PCDH11Y: variants seen among roughly 807,000 people sequenced by gnomAD.
PCDH11Y encodes the protein protocadherin-11 Y-linked.
For synonymous variants in PCDH11Y, 9 were observed against 83.6 expected (o/e 0.11, Z 4.87); for missense variants, 12 against 224.8 (o/e 0.05, Z 6.05).
At chrY:5,385,669 T>C in intron 2 of PCDH11Y, among the ~76,000 whole-genome samples, 3 of 33,502 alleles carry the variant, frequency 9.0e-5, no homozygotes, top group Non-Finnish European at 2.2e-4. Context: ...CATGACAACA[T>C]GTATTATTTT....
chrY:5,111,287 G>A, intron 2 of PCDH11Y, among the ~76,000 whole-genome samples: 1 of 32,962 alleles, frequency 3.0e-5, no homozygotes, highest in Admixed American at 2.8e-4. Flanking sequence ...TAGTAGAAAC[G>A]GGGTTTCGCC....
chrY:5,384,898 C>G (rs1602916498), intron 2 of PCDH11Y, among the ~76,000 whole-genome samples: 1 of 18,808 alleles, frequency 5.3e-5, no homozygotes, highest in Non-Finnish European at 1.2e-4. Flanking sequence ...CTCCTGTTTT[C>G]AAAAAAAAAA....
At chrY:5,178,045 G>A in intron 2 of PCDH11Y, among the ~76,000 whole-genome samples, 4 of 32,762 alleles carry the variant, frequency 1.2e-4, no homozygotes, top group Admixed American at 2.8e-4. Flanking sequence ...AATCTAAGCA[G>A]AGGGACCTTG....
chrY:5,057,918 G>T (rs2052667380), intron 1 of PCDH11Y, among the ~76,000 whole-genome samples: 1 of 31,616 alleles, frequency 3.2e-5, no homozygotes, highest in Non-Finnish European at 7.7e-5. Context: ...TATTTGAGAG[G>T]TGACTAGAAC....
downstream of PCDH11Y, among the ~76,000 whole-genome samples, chrY:5,107,892 T>C (rs2052794052): frequency 3.1e-5 from 1 of 31,845 alleles, no homozygotes; most frequent in African/African-American, 1.2e-4. Flanking sequence ...ACCCCGTCTC[T>C]ACTAAAAATA....
At chrY:5,353,495 T>C in intron 2 of PCDH11Y, among the ~76,000 whole-genome samples, 1 of 32,677 alleles carries the variant, frequency 3.1e-5, no homozygotes, top group East Asian at 8.0e-4. Flanking sequence ...CATAATGTTC[T>C]GGACATACCT....
chrY:5,462,271 C>T, intron 2 of PCDH11Y, among the ~76,000 whole-genome samples: 2 of 33,143 alleles, frequency 6.0e-5, no homozygotes, highest in African/African-American at 2.4e-4. Context: ...TGAAGCAAAA[C>T]GGTTCCTGAA....
chrY:5,201,361 A>G (rs2052926721), intron 2 of PCDH11Y, among the ~76,000 whole-genome samples: 1 of 33,692 alleles, frequency 3.0e-5, no homozygotes, highest in African/African-American at 1.2e-4. Flanking sequence ...AGAATCACAT[A>G]TGGTGCTTTT....
At chrY:5,069,239 C>A (rs1602856006) in intron 1 of PCDH11Y, among the ~76,000 whole-genome samples, 32 of 32,344 alleles carry the variant, frequency 9.9e-4, no homozygotes, top group Admixed American at 2.3e-3. Flanking sequence ...TACACACACA[C>A]AAAAAAAACA....
chrY:5,520,079 C>T, intron 3 of PCDH11Y, among the ~76,000 whole-genome samples: 1 of 29,047 alleles, frequency 3.4e-5, no homozygotes, highest in African/African-American at 1.4e-4. Context: ...ATCAGCAGGA[C>T]GTGGCAGTGG....
intron 2 of PCDH11Y, among the ~76,000 whole-genome samples, chrY:5,444,609 G>A (rs1602926754): frequency 1.5e-4 from 5 of 32,793 alleles, no homozygotes; most frequent in African/African-American, 3.5e-4. Flanking sequence ...TACACTGCTG[G>A]TGGAAATGTA....
chrY:5,516,610 G>C, intron 3 of PCDH11Y, among the ~76,000 whole-genome samples: 1 of 32,728 alleles, frequency 3.1e-5, no homozygotes, highest in Non-Finnish European at 7.5e-5. Flanking sequence ...ATATGTGTCC[G>C]GGCATTTACG....
At chrY:5,169,825 A>G in intron 2 of PCDH11Y, among the ~76,000 whole-genome samples, 1 of 32,135 alleles carries the variant, frequency 3.1e-5, no homozygotes. Flanking sequence ...TCACACTCCT[A>G]TTATCAGGGA....
At chrY:5,410,325 G>A (rs2053245596) in intron 2 of PCDH11Y, among the ~76,000 whole-genome samples, 1 of 31,460 alleles carries the variant, frequency 3.2e-5, no homozygotes, top group Non-Finnish European at 7.7e-5. Flanking sequence ...ATCCGAGATC[G>A]TGCCTTTGCA....
chrY:5,638,159 G>A (rs1602955169), intron 4 of PCDH11Y, among the ~76,000 whole-genome samples: 1 of 25,818 alleles, frequency 3.9e-5, no homozygotes, highest in African/African-American at 1.5e-4. Context: ...GGGATTCACC[G>A]TGTTAGCCAG....
At chrY:5,387,455 C>A in intron 2 of PCDH11Y, among the ~76,000 whole-genome samples, 1 of 32,781 alleles carries the variant, frequency 3.1e-5, no homozygotes, top group Non-Finnish European at 7.4e-5. Context: ...TCTAGCCATG[C>A]AGAAGGGCTA....
intron 2 of PCDH11Y, among the ~76,000 whole-genome samples, chrY:5,344,040 A>G: frequency 3.0e-5 from 1 of 32,876 alleles, no homozygotes; most frequent in Non-Finnish European, 7.5e-5. Flanking sequence ...TTCCACATTA[A>G]CCAAAAGTAC....
intron 2 of PCDH11Y, among the ~76,000 whole-genome samples, chrY:5,268,683 T>C: frequency 3.1e-5 from 1 of 32,396 alleles, no homozygotes; most frequent in Non-Finnish European, 7.5e-5. Context: ...ATTTGAATTT[T>C]TTTAATATTT....
chrY:5,516,050 T>C, intron 3 of PCDH11Y, among the ~76,000 whole-genome samples: 1 of 33,376 alleles, frequency 3.0e-5, no homozygotes, highest in Non-Finnish European at 7.4e-5. Context: ...AAAGCAAACA[T>C]TGACAAATGG....
Sources: gnomAD v4.1 joint callset for allele counts (sites outside exome capture counted in the v4.1 genomes callset) on GRCh38, gnomAD v4.1.1 for gene constraint, MANE v1.5 for transcripts, NCBI Gene and HGNC (gene_info 2026-07-23, HGNC 2026-07-21) for gene names.